The following GALNT2 variants were observed in gnomAD, a reference collection of about 807,000 sequenced individuals.
The protein encoded by GALNT2 is UDP-GalNAc:polypeptide N-acetylgalactosaminyltransferase 2.
Under a neutral mutation model 81.4 loss-of-function variants are expected in GALNT2, and 31 were observed. The ratio of observed to expected loss-of-function variants is 0.38; its 90% CI spans 0.29 to 0.51. The LOEUF (loss-of-function observed/expected upper bound fraction) is 0.51, where lower values mean the gene tolerates loss of function less well. GALNT2 is among the 20% of genes least tolerant of loss of function. GALNT2 has a pLI of 0.87. For synonymous variants in GALNT2, 303 were observed against 287.4 expected (o/e 1.05, Z -0.55); for missense variants, 629 against 765.7 (o/e 0.82, Z 2.11).
At chr1:230,164,449 A>T (rs1054461528) in intron 1 of GALNT2, among the ~76,000 whole-genome samples, 2 of 152,112 alleles carry the variant, frequency 1.3e-5, no homozygotes, top group Non-Finnish European at 2.9e-5. Context: ...ATGTACATAG[A>T]GGAGATGAGC....
At chr1:230,125,009 C>T (rs1295662609) in intron 1 of GALNT2, among the ~76,000 whole-genome samples, 5 of 152,230 alleles carry the variant, frequency 3.3e-5, no homozygotes, top group Admixed American at 6.5e-5. Flanking sequence ...AGCCTACACT[C>T]AGCCCTGCAC....
chr1:230,226,835 T>C (rs1249072679), intron 3 of GALNT2, among the ~76,000 whole-genome samples: 1 of 152,206 alleles, frequency 6.6e-6, no homozygotes, highest in Non-Finnish European at 1.5e-5. Flanking sequence ...GTAGGGTAGC[T>C]GAAATCAATC....
chr1:230,215,411 T>C (rs1664358739), intron 3 of GALNT2, among the ~76,000 whole-genome samples: 1 of 152,216 alleles, frequency 6.6e-6, no homozygotes, highest in African/African-American at 2.4e-5. Context: ...ACCTCACACC[T>C]GGCTGCTTTG....
At chr1:230,139,075 T>TA (rs1470426299) in intron 1 of GALNT2, among the ~76,000 whole-genome samples, 13 of 152,178 alleles carry the variant, frequency 8.5e-5, no homozygotes, top group Admixed American at 3.9e-4. Context: ...ACTCAGTGTC[T>TA]ACCCTCACGG....
chr1:230,112,340 T>G, intron 1 of GALNT2, among the ~76,000 whole-genome samples: 1 of 117,104 alleles, frequency 8.5e-6, no homozygotes. Context: ...GCACATGGGG[T>G]GGGTAGTTCT....
chr1:230,120,632 C>T lies in GALNT2; in HGVS notation c.126+53226C>T, dbSNP rs576526917. 2.9e-4 allele frequency among the ~76,000 whole-genome samples: 44 copies of T among 152,256 alleles called. 1 individual carries two copies. The South Asian group carries it at 8.1e-3, about 28-fold the overall frequency. On this transcript the variant is annotated intron_variant, in intron 1 of 15. Coordinates refer to ENST00000366672, the MANE Select transcript of GALNT2 (RefSeq NM_004481.5). The stretch of plus-strand genomic sequence containing the variant: ...CTCAGCTCCGATCTGCCCTTCCTTC[C>T]GCAGGACTCAGGGACGCACAGCTCC...
intron 2 of GALNT2, among the ~76,000 whole-genome samples, chr1:230,189,291 A>G (rs6667783): frequency 0.015 from 2,263 of 152,162 alleles, 61 homozygotes; most frequent in African/African-American, 0.052. Context: ...CCCCCTCCCC[A>G]TCCTGGTCCT....
intron 13 of GALNT2, chr1:230,263,776 G>A (rs1007600517): frequency 2.0e-5 from 3 of 152,196 alleles, no homozygotes; most frequent in Non-Finnish European, 4.4e-5. Flanking sequence ...TATTCCCAGA[G>A]CATTTTACAG....
intron 3 of GALNT2, among the ~76,000 whole-genome samples, chr1:230,214,534 C>T (rs183520069): frequency 2.0e-5 from 3 of 152,320 alleles, no homozygotes; most frequent in Non-Finnish European, 4.4e-5. Context: ...GAAATGTCTA[C>T]CGTTAGTCTT....
At position 230,151,016 on chromosome 1, in the gene GALNT2, T is replaced by C. The variant is rs151247958; in HGVS notation, c.127-27202T>C. ...CGGCATGCAGGTGTCTGTAACTTTG[T>C]GTGACTTGTTGAACTCTTTCCTATT... On this transcript the variant is annotated intron_variant, in intron 1 of 15. Transcript: ENST00000366672. 8.5e-5 allele frequency among the ~76,000 whole-genome samples: 13 copies of C among 152,366 alleles called. No homozygotes were observed. In the East Asian group the frequency reaches 2.3e-3, roughly 27 times the overall value.
chr1:230,114,842 G>A (rs893408854), intron 1 of GALNT2, among the ~76,000 whole-genome samples: 1 of 151,988 alleles, frequency 6.6e-6, no homozygotes, highest in Non-Finnish European at 1.5e-5. Flanking sequence ...AGCAGTTTTG[G>A]GTTCACAGCA....
At chr1:230,270,841 A>G (rs1558172036) in intron 14 of GALNT2, among the ~76,000 whole-genome samples, 1 of 152,232 alleles carries the variant, frequency 6.6e-6, no homozygotes, top group African/African-American at 2.4e-5. Flanking sequence ...TTAAATATTT[A>G]TGAACTTTAT....
At chr1:230,129,960 C>G (rs1303210731) in intron 1 of GALNT2, among the ~76,000 whole-genome samples, 1 of 152,258 alleles carries the variant, frequency 6.6e-6, no homozygotes, top group African/African-American at 2.4e-5. Context: ...CATCACCCGT[C>G]TGCTGAAGTA....
At chr1:230,224,018 T>C (rs968667112) in intron 3 of GALNT2, among the ~76,000 whole-genome samples, 13 of 152,160 alleles carry the variant, frequency 8.5e-5, no homozygotes, top group African/African-American at 3.1e-4. Context: ...CTCTAAAGGA[T>C]TCACCACTTT....
chr1:230,072,068 G>A (rs1328797785), intron 1 of GALNT2, among the ~76,000 whole-genome samples: 1 of 151,980 alleles, frequency 6.6e-6, no homozygotes, highest in African/African-American at 2.4e-5. Flanking sequence ...CAGACCCGCT[G>A]TCAGTTTCCC....
chr1:230,274,377 C>G, intron 14 of GALNT2, 68 bp from the exon 15 acceptor site: 2 of 1,571,708 alleles, frequency 1.3e-6, no homozygotes, highest in Non-Finnish European at 8.7e-7. Context: ...GAGCCCTCAT[C>G]GATGCCCCTT....
At chr1:230,213,174 G>T (rs1664286469) in intron 3 of GALNT2, among the ~76,000 whole-genome samples, 1 of 152,200 alleles carries the variant, frequency 6.6e-6, no homozygotes, top group Non-Finnish European at 1.5e-5. Flanking sequence ...CCATCATCCT[G>T]GGAATGCAGT....
intron 6 of GALNT2, among the ~76,000 whole-genome samples, chr1:230,239,099 G>T (rs1665119009): frequency 6.6e-6 from 1 of 151,886 alleles, no homozygotes; most frequent in African/African-American, 2.4e-5. Flanking sequence ...ATATTTATTG[G>T]CTCAAAGTTG....
intron 6 of GALNT2, among the ~76,000 whole-genome samples, chr1:230,237,542 G>A (rs1416163993): frequency 6.6e-6 from 1 of 152,158 alleles, no homozygotes; most frequent in East Asian, 1.9e-4. Context: ...CACTCCAGCT[G>A]GAGTCAAGGA....
Sources: allele counts gnomAD v4.1 joint callset (sites outside exome capture counted in the v4.1 genomes callset), GRCh38; gene constraint gnomAD v4.1.1; transcripts MANE v1.5; gene names NCBI Gene and HGNC (gene_info 2026-07-23, HGNC 2026-07-21).